Variants in GOLIM4 observed in about 807,000 individuals in gnomAD.
The protein encoded by GOLIM4 is 130 kDa golgi-localized phosphoprotein.
A neutral mutation model predicts 107.4 loss-of-function variants in GOLIM4; 71 were observed. The ratio of observed to expected loss-of-function variants is 0.66; its 90% CI spans 0.55 to 0.81. The LOEUF (loss-of-function observed/expected upper bound fraction) is 0.81, where lower values mean the gene tolerates loss of function less well. Ranked by LOEUF, GOLIM4 falls within the 30% of genes least tolerant of loss-of-function variation. The pLI, the probability that GOLIM4 is intolerant of heterozygous loss-of-function variation, is 0.00. For missense variants in GOLIM4, 830 were observed against 826.1 expected (o/e 1.00, Z -0.06); for synonymous variants, 327 against 294.8 (o/e 1.11, Z -1.12).
chr3:168,084,313 T>C (rs1213510164), intron 1 of GOLIM4, among the ~76,000 whole-genome samples: 1 of 152,178 alleles, frequency 6.6e-6, no homozygotes, highest in Non-Finnish European at 1.5e-5. Context: ...GCCTATTTTC[T>C]ATATAAACCA....
chr3:168,014,703 G>A (rs1577499900), intron 14 of GOLIM4, among the ~76,000 whole-genome samples: 1 of 139,062 alleles, frequency 7.2e-6, no homozygotes, highest in Non-Finnish European at 1.5e-5. Context: ...GATCAAGTGG[G>A]CTTCATCCCT....
chr3:168,077,398 C>G (rs59889362), intron 1 of GOLIM4, among the ~76,000 whole-genome samples: 191 of 152,276 alleles, frequency 1.3e-3, no homozygotes, highest in African/African-American at 4.3e-3. Flanking sequence ...AAGAGCATCT[C>G]CAGGTAATGC....
chr3:168,058,866 A>T (rs1381967930), intron 1 of GOLIM4, among the ~76,000 whole-genome samples: 1 of 152,222 alleles, frequency 6.6e-6, no homozygotes, highest in Non-Finnish European at 1.5e-5. Flanking sequence ...TTCTAAAATT[A>T]GATATCTATA....
chr3:168,030,658 C>T (rs1718278030), intron 9 of GOLIM4, among the ~76,000 whole-genome samples: 1 of 151,932 alleles, frequency 6.6e-6, no homozygotes, highest in Non-Finnish European at 1.5e-5. Context: ...ACTCTGCTTC[C>T]CTGAGATATT....
intron 3 of GOLIM4, 134 bp from the exon 4 acceptor site, chr3:168,045,015 A>C (rs890986766): frequency 9.2e-6 from 5 of 543,368 alleles, no homozygotes; most frequent in Non-Finnish European, 1.6e-5. Context: ...ATTTGAACCA[A>C]GATGTCGCTG....
intron 12 of GOLIM4, among the ~76,000 whole-genome samples, chr3:168,027,482 A>C (rs1718054920): frequency 6.6e-6 from 1 of 151,150 alleles, no homozygotes; most frequent in Non-Finnish European, 1.5e-5. Context: ...TCATCAGAAA[A>C]AAAAAATCCT....
chr3:168,030,590 A>AT (rs1718273921), intron 9 of GOLIM4, among the ~76,000 whole-genome samples: 1 of 151,808 alleles, frequency 6.6e-6, no homozygotes, highest in Admixed American at 6.5e-5. Context: ...GAAACTAAGA[A>AT]TGGCTGAGAA....
At chr3:168,069,454 A>G (rs1428578596) in intron 1 of GOLIM4, among the ~76,000 whole-genome samples, 1 of 152,226 alleles carries the variant, frequency 6.6e-6, no homozygotes, top group Non-Finnish European at 1.5e-5. Context: ...TTTCAATAAT[A>G]TAATTTGAAA....
intron 4 of GOLIM4, 47 bp downstream of exon 4, chr3:168,044,781 A>T: frequency 2.9e-6 from 3 of 1,037,232 alleles, no homozygotes; most frequent in African/African-American, 1.6e-5. Flanking sequence ...TTCAAGTATT[A>T]GTTAATCCTT....
intron 1 of GOLIM4, among the ~76,000 whole-genome samples, chr3:168,084,593 C>T (rs1053819806): frequency 1.3e-5 from 2 of 152,146 alleles, no homozygotes; most frequent in Non-Finnish European, 2.9e-5. Flanking sequence ...CAGTTAAGCC[C>T]AGATTCCTTT....
At chr3:168,094,958 C>G in intron 1 of GOLIM4, 141 bp downstream of exon 1, 1 of 630,282 alleles carries the variant, frequency 1.6e-6, no homozygotes, top group Non-Finnish European at 2.8e-6. Context: ...TGCCGGCAGT[C>G]CTGAAACGCT....
At chr3:168,015,425 T>C (rs1233055991) in intron 14 of GOLIM4, among the ~76,000 whole-genome samples, 2 of 138,822 alleles carry the variant, frequency 1.4e-5, no homozygotes, top group Non-Finnish European at 3.0e-5. Flanking sequence ...TCCATGCTCA[T>C]GGGTAGGAAG....
chr3:168,051,101 G>C lies in GOLIM4; in HGVS notation c.188-2736C>G, dbSNP rs114327802. 2.5e-3 allele frequency among the ~76,000 whole-genome samples: 379 copies of C among 152,120 alleles called. 2 individuals are homozygous for C. Among genetic ancestry groups the C allele is most frequent in the African/African-American group, 8.8e-3 (366 of 41,496 alleles). On this transcript the variant is annotated intron_variant, in intron 1 of 15. Coordinates refer to ENST00000470487, the MANE Select transcript of GOLIM4 (RefSeq NM_014498.5). ...AATATTGTGTGGTACCAGATAATCA[G>C]GTCATAATTATCTTTGGCTTAGGAA...
Position 168,095,143 on chromosome 3 carries a change from A to G in GOLIM4, c.143T>C (p.Leu48Pro), listed in dbSNP as rs1219698455. Residue 48 changes from leucine to proline, a missense_variant, in exon 1 of 16, where the codon CTC becomes CCC. Coordinates refer to ENST00000470487, the MANE Select transcript of GOLIM4 (RefSeq NM_014498.5). ...GGACTCCTGGTGCTGCTGGTACTTG[A>G]GCGCCACCGCCTCGGCTTTCCGCAG... The part of the protein sequence containing the change: ...TQLRKAEAVA[L>P]KYQQHQESLS... 6.2e-7 allele frequency: 1 copy of G among 1,610,532 alleles called. No homozygotes were observed. Among genetic ancestry groups the G allele is most frequent in the Non-Finnish European group, 8.5e-7 (1 of 1,177,650 alleles).
At chr3:168,044,350 A>G (rs183978377) in intron 4 of GOLIM4, among the ~76,000 whole-genome samples, 2 of 152,382 alleles carry the variant, frequency 1.3e-5, no homozygotes, top group East Asian at 3.9e-4. Flanking sequence ...CTGACACAGA[A>G]TAATGAGTTT....
At position 168,046,985 on chromosome 3, in the gene GOLIM4, T is replaced by G. The variant is rs1340861291; in HGVS notation, c.277A>C (p.Lys93Gln). ...KKAKEDFLVY[K>Q]LEAQETLNKG... ...TTTAATGTTTCTTGTGCTTCTAACTTATAAACAAGAAAATCTAGAAAATAC... is the reference window on the plus strand; with the variant it reads ...TTTAATGTTTCTTGTGCTTCTAACTGATAAACAAGAAAATCTAGAAAATAC... The change falls in exon 3 of 16, where the codon AAG becomes CAG. Residue 93 changes from lysine to glutamine, a missense_variant. Lys to Gln is a moderately conservative substitution (Grantham distance 53). Coordinates refer to ENST00000470487, the MANE Select transcript of GOLIM4 (RefSeq NM_014498.5). The G allele has an allele frequency of 3.0e-6, 4 of 1,332,316 alleles. No homozygotes were observed. The highest frequency in any genetic ancestry group is 4.1e-6 in the Non-Finnish European group (4 of 965,050). The allele number at this position is 1,332,316 out of a possible 1,614,324, so 82.5% of individuals were successfully genotyped here.
Position 168,024,440 on chromosome 3 carries a change from T to A in GOLIM4, c.1860+86A>T. 3.0e-6 allele frequency: 3 copies of A among 1,009,472 alleles called. No homozygotes were observed. The East Asian group carries it at 7.1e-5, about 24-fold the overall frequency. The allele number at this position is 1,009,472 out of a possible 1,614,324, so 62.5% of individuals were successfully genotyped here. A position where few individuals can be genotyped will look rare whatever the true frequency, so the allele number is the denominator to read the frequency against. ...TCTGAACATTTCTGTGGAAGGCATG[T>A]CAAAGTCAATACTGCTGAGGTTTGT... On this transcript the variant is annotated intron_variant, in intron 14 of 15. Coordinates refer to ENST00000470487, the MANE Select transcript of GOLIM4 (RefSeq NM_014498.5).
chr3:168,073,096 G>C (rs1209026281), intron 1 of GOLIM4, among the ~76,000 whole-genome samples: 1 of 152,156 alleles, frequency 6.6e-6, no homozygotes, highest in Non-Finnish European at 1.5e-5. Flanking sequence ...CAGTATTCCA[G>C]GACAAAATAA....
chr3:168,056,300 G>C (rs550801219), intron 1 of GOLIM4, among the ~76,000 whole-genome samples: 69 of 152,368 alleles, frequency 4.5e-4, no homozygotes, highest in African/African-American at 1.5e-3. Flanking sequence ...CCTCCACCTA[G>C]ATTTCAGAAG....
Sources: gnomAD v4.1 joint callset for allele counts (sites outside exome capture counted in the v4.1 genomes callset) on GRCh38, gnomAD v4.1.1 for gene constraint, MANE v1.5 for transcripts, NCBI Gene and HGNC (gene_info 2026-07-23, HGNC 2026-07-21) for gene names.